The following SLIT3 variants were observed in gnomAD, a reference collection of about 807,000 sequenced individuals.
SLIT3 encodes slit homolog 3 protein.
Under a neutral mutation model 184.0 loss-of-function variants are expected in SLIT3, and 68 were observed. That is an observed-to-expected ratio of 0.37 (90% CI 0.30 to 0.45). The LOEUF (loss-of-function observed/expected upper bound fraction) is 0.45. Ranked by LOEUF, SLIT3 falls within the 20% of genes least tolerant of loss-of-function variation. The pLI is 1.00. For missense variants in SLIT3, 1,707 were observed against 2,026.0 expected, an observed-to-expected ratio of 0.84 and a Z score of 3.02; for synonymous variants, 831 against 828.6, an observed-to-expected ratio of 1.00 and a Z score of -0.05.
chr5:168,891,787 G>T (rs1424116960), intron 4 of SLIT3, among the ~76,000 whole-genome samples: 7 of 152,210 alleles, frequency 4.6e-5, no homozygotes, highest in African/African-American at 1.7e-4. Flanking sequence ...TTACCAATAC[G>T]AGTGCCTGTT....
At chr5:168,953,216 C>A (rs984180851) in intron 4 of SLIT3, among the ~76,000 whole-genome samples, 1 of 152,170 alleles carries the variant, frequency 6.6e-6, no homozygotes, top group Non-Finnish European at 1.5e-5. Context: ...TCAGTATAAC[C>A]CAAATGGATG....
intron 4 of SLIT3, among the ~76,000 whole-genome samples, chr5:169,096,917 T>A (rs530579903): frequency 6.6e-5 from 10 of 152,320 alleles, no homozygotes; most frequent in African/African-American, 1.7e-4. Context: ...TATTACAATG[T>A]CGTCCTACTG....
chr5:169,166,473 G>C (rs17070924), intron 4 of SLIT3, among the ~76,000 whole-genome samples: 10,390 of 152,024 alleles, frequency 0.068, 1,265 homozygotes, highest in African/African-American at 0.24. Flanking sequence ...CACACATCTC[G>C]GTCTGCATGC....
At chr5:169,062,811 C>G (rs1758222920) in intron 4 of SLIT3, among the ~76,000 whole-genome samples, 1 of 152,202 alleles carries the variant, frequency 6.6e-6, no homozygotes, top group African/African-American at 2.4e-5. Context: ...TTTCCCCCTT[C>G]ATGTTCCTTC....
At chr5:169,198,076 GCATT>G (rs1176627145) in intron 3 of SLIT3, among the ~76,000 whole-genome samples, 5 of 152,062 alleles carry the variant, frequency 3.3e-5, no homozygotes, top group Admixed American at 3.3e-4. Flanking sequence ...ATCTACCCAA[GCATT>G]CACTCATCCG....
At chr5:168,784,692 A>C (rs143361234) in intron 12 of SLIT3, among the ~76,000 whole-genome samples, 14 of 152,246 alleles carry the variant, frequency 9.2e-5, no homozygotes, top group Admixed American at 2.0e-4. Context: ...CAACCACATA[A>C]GATGTGTCCC....
intron 1 of SLIT3, among the ~76,000 whole-genome samples, chr5:169,279,799 AAAT>A (rs1231524545): frequency 6.6e-6 from 1 of 152,198 alleles, no homozygotes; most frequent in Non-Finnish European, 1.5e-5. Flanking sequence ...GACATGAAGT[AAAT>A]AATGTCCCCT....
chr5:169,288,364 T>A (rs1259115531), intron 1 of SLIT3, among the ~76,000 whole-genome samples: 1 of 151,928 alleles, frequency 6.6e-6, no homozygotes, highest in Non-Finnish European at 1.5e-5. Context: ...AGTTTTTTTT[T>A]AATTCCACTT....
At chr5:169,167,834 CT>C (rs1762690890) in intron 4 of SLIT3, among the ~76,000 whole-genome samples, 1 of 152,194 alleles carries the variant, frequency 6.6e-6, no homozygotes, top group Non-Finnish European at 1.5e-5. Context: ...GCTGCACTAC[CT>C]AGTCCCCAGT....
intron 1 of SLIT3, among the ~76,000 whole-genome samples, chr5:169,276,384 C>A (rs1467880749): frequency 2.0e-5 from 3 of 152,194 alleles, no homozygotes; most frequent in Admixed American, 6.5e-5. Flanking sequence ...CTCCCATCTT[C>A]TTCCAAGAGC....
intron 32 of SLIT3, among the ~76,000 whole-genome samples, chr5:168,681,561 C>T (rs1761592329): frequency 6.6e-6 from 1 of 152,206 alleles, no homozygotes; most frequent in South Asian, 2.1e-4. Flanking sequence ...CTTGGTTTCC[C>T]TGTGGCTAAG....
chr5:168,789,676 C>A (rs756303827), intron 10 of SLIT3, 45 bp from the exon 11 acceptor site: 5 of 1,422,926 alleles, frequency 3.5e-6, no homozygotes, highest in East Asian at 2.3e-5. Context: ...CTCAAAGGTG[C>A]GATAACGGTC....
chr5:169,173,384 G>A (rs1490223091), intron 4 of SLIT3, among the ~76,000 whole-genome samples: 1 of 152,190 alleles, frequency 6.6e-6, no homozygotes, highest in African/African-American at 2.4e-5. Context: ...CAAAAGGCTA[G>A]GACTGAAAGG....
chr5:168,881,745 C>T (rs114384592), intron 5 of SLIT3, among the ~76,000 whole-genome samples: 5,627 of 152,290 alleles, frequency 0.037, 159 homozygotes, highest in Middle Eastern at 0.085. Context: ...AGAGATCTCT[C>T]ATTATTTATT....
chr5:169,134,609 G>A (rs1238654538), intron 4 of SLIT3, among the ~76,000 whole-genome samples: 1 of 152,144 alleles, frequency 6.6e-6, no homozygotes, highest in Admixed American at 6.5e-5. Flanking sequence ...GGAGGGCTGG[G>A]GGCTGGGGGA....
intron 4 of SLIT3, among the ~76,000 whole-genome samples, chr5:169,038,279 A>G (rs1229956549): frequency 6.6e-6 from 1 of 152,236 alleles, no homozygotes; most frequent in Non-Finnish European, 1.5e-5. Context: ...TGCCTGGTAC[A>G]ATAGGGAGCA....
At chr5:168,702,594 T>C (rs1387468071) in intron 26 of SLIT3, among the ~76,000 whole-genome samples, 1 of 152,138 alleles carries the variant, frequency 6.6e-6, no homozygotes, top group Non-Finnish European at 1.5e-5. Context: ...ATGGAAATAA[T>C]ATGAACTACC....
At chr5:168,746,321 T>TGTGG (rs1581030913) in intron 20 of SLIT3, among the ~76,000 whole-genome samples, 2 of 114,858 alleles carry the variant, frequency 1.7e-5, no homozygotes, top group East Asian at 5.6e-4. Flanking sequence ...GGTGTGGTGG[T>TGTGG]ATGTGGTGTG....
intron 4 of SLIT3, among the ~76,000 whole-genome samples, chr5:169,021,839 C>T (rs149631633): frequency 3.3e-5 from 5 of 152,274 alleles, no homozygotes; most frequent in African/African-American, 1.2e-4. Flanking sequence ...GCGTTGCTCA[C>T]CATGGCAGCC....
Sources: gnomAD v4.1 joint callset for allele counts (sites outside exome capture counted in the v4.1 genomes callset) on GRCh38, gnomAD v4.1.1 for gene constraint, MANE v1.5 for transcripts, NCBI Gene and HGNC (gene_info 2026-07-23, HGNC 2026-07-21) for gene names.